The following MAGED1 variants were observed in gnomAD, a reference collection of about 807,000 sequenced individuals.
The protein encoded by MAGED1 is melanoma-associated antigen D1.
MAGED1 carries 3 observed loss-of-function variants against 54.1 expected under a neutral mutation model. The observed-to-expected ratio is 0.06, with a 90% CI of 0.03 to 0.14. MAGED1 has a LOEUF of 0.14. MAGED1 is among the 10% of genes least tolerant of loss of function. MAGED1 has a pLI of 1.00. For missense variants in MAGED1, 485 were observed against 623.4 expected, an observed-to-expected ratio of 0.78 and a Z score of 2.36; for synonymous variants, 217 against 227.3, an observed-to-expected ratio of 0.95 and a Z score of 0.41.
In MAGED1 at chrX:51,884,802, C is replaced by T. The variant is rs147458222; in HGVS notation, c.-36-9467C>T. Among the ~76,000 whole-genome samples, 237 of 112,305 alleles carry T rather than the reference C, an allele frequency of 2.1e-3. 1 individual carries two copies. The highest frequency in any genetic ancestry group is 7.1e-3 in the African/African-American group (219 of 31,010). On this transcript the variant is annotated intron_variant, in intron 1 of 12. Transcript: ENST00000375772. Reference sequence around the variant, plus strand: ...GACCAAGTGGAATTTATTCCATGTACGGTTCAGCATCCATAAATCCAGCAA... The same window carrying T: ...GACCAAGTGGAATTTATTCCATGTATGGTTCAGCATCCATAAATCCAGCAA...
chrX:51,879,770 C>CT (rs1450414358), intron 1 of MAGED1, among the ~76,000 whole-genome samples: 12 of 112,020 alleles, frequency 1.1e-4, no homozygotes, highest in Admixed American at 4.7e-4. Context: ...TTTCATTTCT[C>CT]TGACAGGTCC....
intron 1 of MAGED1, among the ~76,000 whole-genome samples, chrX:51,872,766 A>G: frequency 8.9e-6 from 1 of 112,400 alleles, no homozygotes; most frequent in Non-Finnish European, 1.9e-5. Flanking sequence ...CACTTGCGTA[A>G]GACACTTCTA....
intron 1 of MAGED1, 99 bp from the exon 2 acceptor site, chrX:51,894,170 A>G: frequency 2.0e-6 from 1 of 490,111 alleles, no homozygotes; most frequent in Non-Finnish European, 3.6e-6. Context: ...CCTCACATTC[A>G]CCTTATCCGC....
chrX:51,872,987 A>G (rs144591076), intron 1 of MAGED1, among the ~76,000 whole-genome samples: 1,398 of 111,153 alleles, frequency 0.013, 22 homozygotes, highest in African/African-American at 0.044. Flanking sequence ...TGCTCTGTCT[A>G]TGGAGCAGTC....
At position 51,884,955 on chromosome X, in the gene MAGED1, G is replaced by A. The variant is rs192592890; in HGVS notation, c.-36-9314G>A. Reference sequence around the variant, plus strand: ...ACTGTCAGCAACCCACTAATAGAGAGTAACTTCCTCAATTTGATTTTTTAA... The same window carrying A: ...ACTGTCAGCAACCCACTAATAGAGAATAACTTCCTCAATTTGATTTTTTAA... On this transcript the variant is annotated intron_variant, in intron 1 of 12. Transcript: ENST00000375772. Among the ~76,000 whole-genome samples the A allele has an allele frequency of 2.1e-3, 237 of 112,236 alleles. 1 individual carries two copies. The highest frequency in any genetic ancestry group is 7.1e-3 in the African/African-American group (221 of 30,997).
At chrX:51,815,907 A>T (rs1273536832) in intron 1 of MAGED1, among the ~76,000 whole-genome samples, 1 of 112,078 alleles carries the variant, frequency 8.9e-6, no homozygotes, top group African/African-American at 3.2e-5. Context: ...GTAAAAAGTT[A>T]TAGAAAGCTA....
intron 1 of MAGED1, among the ~76,000 whole-genome samples, chrX:51,828,763 G>T: frequency 9.0e-6 from 1 of 110,673 alleles, no homozygotes. Flanking sequence ...TTTTTCTTGT[G>T]GATATGTTGC....
At chrX:51,869,465 TTAAA>T (rs1557361331) in intron 1 of MAGED1, among the ~76,000 whole-genome samples, 2 of 111,927 alleles carry the variant, frequency 1.8e-5, no homozygotes, top group African/African-American at 6.5e-5. Flanking sequence ...GGACAATTTA[TTAAA>T]AAGAAAGAGG....
chrX:51,896,245 C>A, intron 3 of MAGED1, 164 bp from the exon 4 acceptor site: 1 of 480,043 alleles, frequency 2.1e-6, no homozygotes, highest in Non-Finnish European at 3.4e-6. Context: ...GGAGATGAAA[C>A]TCCTGCCTGG....
chrX:51,804,249 C>T (rs1466187877), intron 1 of MAGED1, among the ~76,000 whole-genome samples: 1 of 111,676 alleles, frequency 9.0e-6, no homozygotes, highest in Non-Finnish European at 1.9e-5. Flanking sequence ...CAGGCTCTAT[C>T]AGGATCTAAC....
chrX:51,816,842 C>CA (rs1925450278), intron 1 of MAGED1, among the ~76,000 whole-genome samples: 2 of 111,346 alleles, frequency 1.8e-5, no homozygotes, highest in South Asian at 3.8e-4. Flanking sequence ...ACTAAAAGAG[C>CA]AAAAAGATAA....
intron 1 of MAGED1, among the ~76,000 whole-genome samples, chrX:51,885,391 G>T (rs1338707152): frequency 9.0e-6 from 1 of 111,601 alleles, no homozygotes; most frequent in African/African-American, 3.3e-5. Flanking sequence ...ATCTATTCAG[G>T]TCATTTACCC....
At chrX:51,833,426 A>AT (rs1285901948) in intron 1 of MAGED1, among the ~76,000 whole-genome samples, 2 of 110,749 alleles carry the variant, frequency 1.8e-5, no homozygotes, top group South Asian at 3.8e-4. Flanking sequence ...TGCTGAATCA[A>AT]TTTTTTTTAC....
chrX:51,837,881 T>A (rs782420403), intron 1 of MAGED1, among the ~76,000 whole-genome samples: 47 of 112,897 alleles, frequency 4.2e-4, no homozygotes, highest in Admixed American at 4.0e-3. Context: ...GAGTATTAAA[T>A]GCAATTGTCA....
At chrX:51,897,368 C>A in intron 5 of MAGED1, 97 bp downstream of exon 5, 1 of 885,860 alleles carries the variant, frequency 1.1e-6, no homozygotes, top group Non-Finnish European at 1.6e-6. Context: ...TCCCTTCACT[C>A]CATGCTCTGT....
chrX:51,841,099 G>A (rs1391199243), intron 1 of MAGED1, among the ~76,000 whole-genome samples: 11 of 103,634 alleles, frequency 1.1e-4, no homozygotes, highest in African/African-American at 3.9e-4. Context: ...AGCACCTGTT[G>A]TTTCCTGACT....
chrX:51,834,173 T>C (rs782473489), intron 1 of MAGED1, among the ~76,000 whole-genome samples: 2 of 111,824 alleles, frequency 1.8e-5, no homozygotes, highest in Non-Finnish European at 1.9e-5. Flanking sequence ...CATTTTTTAA[T>C]GTTTGACTGC....
chrX:51,805,328 G>A (rs184464693), intron 1 of MAGED1, among the ~76,000 whole-genome samples: 17 of 111,373 alleles, frequency 1.5e-4, no homozygotes, highest in Non-Finnish European at 2.6e-4. Context: ...TCTAAGGTCA[G>A]TATTATCATT....
chrX:51,829,530 T>C (rs1557357220), intron 1 of MAGED1, among the ~76,000 whole-genome samples: 1 of 110,306 alleles, frequency 9.1e-6, no homozygotes, highest in Non-Finnish European at 1.9e-5. Context: ...AACTTTAATT[T>C]TTAAAAAAAA....
Sources: gnomAD v4.1 joint callset for allele counts (sites outside exome capture counted in the v4.1 genomes callset) on GRCh38, gnomAD v4.1.1 for gene constraint, MANE v1.5 for transcripts, NCBI Gene and HGNC (gene_info 2026-07-23, HGNC 2026-07-21) for gene names.